The following DGKB variants were observed in gnomAD, a reference collection of about 807,000 sequenced individuals.
DGKB encodes diacylglycerol kinase beta.
In DGKB, 67 loss-of-function variants were observed where a neutral mutation model predicts 114.3. That is an observed-to-expected ratio of 0.59 (90% confidence interval 0.48 to 0.72). DGKB has a LOEUF of 0.72. Ranked by LOEUF, DGKB falls within the 30% of genes least tolerant of loss-of-function variation. The pLI, the probability that DGKB is intolerant of heterozygous loss-of-function variation, is 0.00. For synonymous variants in DGKB, 398 were observed against 323.1 expected (o/e 1.23, Z -2.49); for missense variants, 907 against 975.2 (o/e 0.93, Z 0.93).
intron 13 of DGKB, among the ~76,000 whole-genome samples, chr7:14,643,049 A>C (rs969690414): frequency 3.3e-5 from 5 of 152,210 alleles, no homozygotes; most frequent in Non-Finnish European, 5.9e-5. Context: ...ACAACAGCAA[A>C]TAAATAACCA....
intron 23 of DGKB, among the ~76,000 whole-genome samples, chr7:14,261,964 C>T (rs757037801): frequency 4.6e-5 from 7 of 152,118 alleles, no homozygotes; most frequent in South Asian, 2.1e-4. Context: ...CATGATAATA[C>T]GATTATGCAT....
At chr7:14,696,213 G>A (rs1471674755) in intron 8 of DGKB, among the ~76,000 whole-genome samples, 1 of 152,094 alleles carries the variant, frequency 6.6e-6, no homozygotes, top group Non-Finnish European at 1.5e-5. Flanking sequence ...CTGAATGGAG[G>A]CCGGGCGCGG....
chr7:14,340,159 C>CTTTTTTTTTTTT (rs35208788), intron 22 of DGKB, among the ~76,000 whole-genome samples: 1 of 89,174 alleles, frequency 1.1e-5, no homozygotes, highest in Non-Finnish European at 2.2e-5. Context: ...CTGGATGATG[C>CTTTTTTTTTTTT]TTTTTTTTTT....
intron 17 of DGKB, among the ~76,000 whole-genome samples, chr7:14,587,710 T>C (rs1227177883): frequency 1.3e-5 from 2 of 152,112 alleles, no homozygotes; most frequent in Non-Finnish European, 2.9e-5. Flanking sequence ...TTGGTTCCCA[T>C]TAAAATCAAG....
intron 2 of DGKB, among the ~76,000 whole-genome samples, chr7:14,779,969 T>G (rs2128486460): frequency 6.6e-6 from 1 of 152,336 alleles, no homozygotes; most frequent in Admixed American, 6.5e-5. Context: ...ATTTTTACAT[T>G]TGTATTCCTC....
chr7:14,958,659 T>A (rs552065227), intron 1 of DGKB, among the ~76,000 whole-genome samples: 1 of 151,404 alleles, frequency 6.6e-6, no homozygotes, highest in Non-Finnish European at 1.5e-5. Context: ...CTCTAGCCTG[T>A]TTGTGGCATA....
intron 22 of DGKB, among the ~76,000 whole-genome samples, chr7:14,344,464 G>A (rs1028643968): frequency 6.6e-6 from 1 of 151,600 alleles, no homozygotes; most frequent in South Asian, 2.1e-4. Flanking sequence ...AGGAACTAAT[G>A]ATTTAGGTAT....
intron 4 of DGKB, among the ~76,000 whole-genome samples, chr7:14,748,735 G>A (rs998446460): frequency 1.3e-5 from 2 of 152,196 alleles, no homozygotes; most frequent in African/African-American, 4.8e-5. Flanking sequence ...ACAGAACCAT[G>A]TGACCATTAT....
At chr7:14,488,842 C>CAA in intron 20 of DGKB, among the ~76,000 whole-genome samples, 1 of 85,774 alleles carries the variant, frequency 1.2e-5, no homozygotes, top group African/African-American at 5.2e-5. Context: ...CAAAAAAAAA[C>CAA]AAAAAAAAAC....
At chr7:14,491,626 T>C (rs1268034122) in intron 20 of DGKB, among the ~76,000 whole-genome samples, 1 of 152,090 alleles carries the variant, frequency 6.6e-6, no homozygotes, top group African/African-American at 2.4e-5. Flanking sequence ...ACACATATTA[T>C]TCAGAAATTT....
At chr7:14,784,840 G>GT (rs1446171384) in intron 2 of DGKB, among the ~76,000 whole-genome samples, 2 of 149,788 alleles carry the variant, frequency 1.3e-5, no homozygotes, top group African/African-American at 2.5e-5. Context: ...TTTTTTTAAT[G>GT]TTTTTTTGGC....
At chr7:14,530,046 G>A (rs982340061) in intron 20 of DGKB, among the ~76,000 whole-genome samples, 2 of 151,582 alleles carry the variant, frequency 1.3e-5, no homozygotes, top group Non-Finnish European at 3.0e-5. Context: ...ATTAATTCAT[G>A]TATCATTACT....
chr7:14,521,004 C>T (rs988643596), intron 20 of DGKB, among the ~76,000 whole-genome samples: 19 of 151,962 alleles, frequency 1.3e-4, no homozygotes, highest in Non-Finnish European at 1.3e-4. Context: ...TTTTTTCTTT[C>T]AGCCCTTTGA....
intron 23 of DGKB, among the ~76,000 whole-genome samples, chr7:14,337,534 G>A (rs556768029): frequency 3.6e-4 from 55 of 152,140 alleles, no homozygotes; most frequent in African/African-American, 1.3e-3. Flanking sequence ...AGAAGTCACT[G>A]CTTGTTACTG....
At chr7:14,518,668 A>G (rs1277697501) in intron 20 of DGKB, among the ~76,000 whole-genome samples, 1 of 152,062 alleles carries the variant, frequency 6.6e-6, no homozygotes, top group Non-Finnish European at 1.5e-5. Flanking sequence ...TTCTACTACT[A>G]TAGGAATTTA....
chr7:14,471,879 A>G (rs566638971), intron 21 of DGKB, among the ~76,000 whole-genome samples: 13 of 152,286 alleles, frequency 8.5e-5, no homozygotes, highest in Middle Eastern at 6.8e-3. Context: ...CTGTGTAGTT[A>G]CTAAAGCCCA....
At chr7:14,840,311 C>A (rs1020876373) in intron 2 of DGKB, among the ~76,000 whole-genome samples, 1 of 151,956 alleles carries the variant, frequency 6.6e-6, no homozygotes, top group East Asian at 1.9e-4. Flanking sequence ...ATTGCATTCT[C>A]TATATATTGC....
intron 25 of DGKB, among the ~76,000 whole-genome samples, chr7:14,173,956 T>G (rs1781368607): frequency 6.6e-6 from 1 of 152,196 alleles, no homozygotes; most frequent in Admixed American, 6.5e-5. Context: ...ACAGGTGAAA[T>G]GAATGTCTTA....
chr7:14,642,744 AC>A (rs1309692219), intron 13 of DGKB, among the ~76,000 whole-genome samples: 1 of 152,210 alleles, frequency 6.6e-6, no homozygotes, highest in East Asian at 1.9e-4. Context: ...GCACAAACTT[AC>A]TACATTTTAT....
Sources: allele counts gnomAD v4.1 joint callset (sites outside exome capture counted in the v4.1 genomes callset), GRCh38; gene constraint gnomAD v4.1.1; transcripts MANE v1.5; gene names NCBI Gene and HGNC (gene_info 2026-07-23, HGNC 2026-07-21).